Variants in RCAN1 observed in about 807,000 individuals in gnomAD.
RCAN1 encodes regulator of calcineurin 1, also known as calcipressin-1.
A neutral mutation model predicts 22.9 loss-of-function variants in RCAN1; 11 were observed. The observed-to-expected ratio is 0.48, with a 90% CI of 0.30 to 0.79. RCAN1 has a LOEUF of 0.79. RCAN1 is among the 30% of genes least tolerant of loss of function. The probability of loss-of-function intolerance (pLI) is 0.06; values close to 1 mark genes in which losing one functional copy is unlikely to be tolerated. For missense variants in RCAN1, 291 were observed against 337.8 expected (o/e 0.86, Z 1.09); for synonymous variants, 136 against 142.3 (o/e 0.96, Z 0.32).
At chr21:34,562,767 T>C (rs771608219) in intron 1 of RCAN1, among the ~76,000 whole-genome samples, 1 of 152,166 alleles carries the variant, frequency 6.6e-6, no homozygotes, top group Non-Finnish European at 1.5e-5. Flanking sequence ...AATAATAACA[T>C]GGTACCTAGC....
chr21:34,523,892 C>G, intron 1 of RCAN1, 182 bp from the exon 2 acceptor site: 1 of 443,014 alleles, frequency 2.3e-6, no homozygotes, highest in East Asian at 4.6e-5. Flanking sequence ...AAGTGATTCT[C>G]CTGCCTCAGC....
At chr21:34,529,328 C>A (rs539616010) in intron 1 of RCAN1, among the ~76,000 whole-genome samples, 1 of 152,144 alleles carries the variant, frequency 6.6e-6, no homozygotes, top group East Asian at 1.9e-4. Context: ...TTCCAAAGTG[C>A]GTCTTGCTGA....
chr21:34,550,452 A>G (rs1435301573), intron 1 of RCAN1, among the ~76,000 whole-genome samples: 1 of 152,168 alleles, frequency 6.6e-6, no homozygotes, highest in Non-Finnish European at 1.5e-5. Context: ...ATTAAGGAGG[A>G]GCCCAATCCA....
At chr21:34,521,136 C>T in intron 3 of RCAN1, 1 of 1,259,880 alleles carries the variant, frequency 7.9e-7, no homozygotes, top group Middle Eastern at 3.0e-4. Context: ...TCGATTTTCC[C>T]TTTCCAAAGT....
intron 1 of RCAN1, among the ~76,000 whole-genome samples, chr21:34,608,913 C>T (rs779052181): frequency 6.6e-6 from 1 of 152,162 alleles, no homozygotes; most frequent in Non-Finnish European, 1.5e-5. Flanking sequence ...GCTTAAGACC[C>T]ATAGCCTTAA....
chr21:34,607,866 G>A lies in RCAN1; in HGVS notation c.252+6894C>T, dbSNP rs8130114. ...GGCCACACAGCAGGAGGTGAGCAGC[G>A]GGTGAGCCAGCAAAGCTTCATCTGT... is the stretch of plus-strand genomic sequence containing the variant. On this transcript the variant is annotated intron_variant, in intron 1 of 3. Transcript: ENST00000313806. 8.7e-3 allele frequency among the ~76,000 whole-genome samples: 1,326 copies of A among 152,246 alleles called. 21 individuals are homozygous for A. The highest frequency in any genetic ancestry group is 0.029 in the African/African-American group (1,225 of 41,540).
intron 1 of RCAN1, chr21:34,525,469 G>A: frequency 7.9e-7 from 1 of 1,259,538 alleles, no homozygotes; most frequent in Non-Finnish European, 1.1e-6. Context: ...CAAGTTTCTG[G>A]CAAAAGTGTG....
intron 1 of RCAN1, among the ~76,000 whole-genome samples, chr21:34,608,011 T>C (rs758041139): frequency 3.3e-5 from 5 of 152,156 alleles, no homozygotes; most frequent in Non-Finnish European, 5.9e-5. Flanking sequence ...GCCCACTCCT[T>C]ATGAGAATCT....
In RCAN1 at chr21:34,530,616, GTTTTTTTTT is replaced by G. The variant is rs59150851; in HGVS notation, c.253-6915_253-6907del. On this transcript the variant is annotated intron_variant, in intron 1 of 3. Coordinates refer to ENST00000313806, the MANE Select transcript of RCAN1 (RefSeq NM_004414.7). ...TTTTTGCTTCTAAGATAGTGAAATA[GTTTTTTTTT>G]TTTTTTTTTTTTTTTTTTGAGACAG... Among the ~76,000 whole-genome samples the G allele has an allele frequency of 8.8e-3, 581 of 66,218 alleles. 9 individuals are homozygous for G. Among genetic ancestry groups the G allele is most frequent in the African/African-American group, 0.03 (548 of 18,426 alleles). The allele number at this position is 66,218 out of a possible 152,430, so 43.4% of individuals were successfully genotyped here. A position where few individuals can be genotyped will look rare whatever the true frequency, so the allele number is the denominator to read the frequency against.
intron 1 of RCAN1, among the ~76,000 whole-genome samples, chr21:34,564,955 T>G (rs1475863718): frequency 6.6e-6 from 1 of 152,148 alleles, no homozygotes; most frequent in African/African-American, 2.4e-5. Context: ...ATCCCAGTGC[T>G]TCGGGAGGCC....
At chr21:34,571,711 A>G (rs2123683539) in intron 1 of RCAN1, among the ~76,000 whole-genome samples, 1 of 152,150 alleles carries the variant, frequency 6.6e-6, no homozygotes, top group African/African-American at 2.4e-5. Flanking sequence ...GTGTGCCACC[A>G]TGCCTGGCTA....
At chr21:34,525,119 T>C (rs1984936341) in intron 1 of RCAN1, 1 of 1,550,458 alleles carries the variant, frequency 6.4e-7, no homozygotes, top group South Asian at 1.2e-5. Flanking sequence ...GCAGTGTCTC[T>C]GCAGTGGGAG....
At chr21:34,577,663 C>T (rs544204879) in intron 1 of RCAN1, among the ~76,000 whole-genome samples, 5 of 152,114 alleles carry the variant, frequency 3.3e-5, no homozygotes, top group South Asian at 2.1e-4. Flanking sequence ...TGAAGAGTGC[C>T]GGAGAGGAAT....
Position 34,614,934 on chromosome 21 carries a change from G to T in RCAN1, c.78C>A (p.Pro26=). The T allele has an allele frequency of 2.3e-6, 3 of 1,300,692 alleles. No individual in the cohort carries two copies. Among genetic ancestry groups the T allele is most frequent in the Non-Finnish European group, 2.9e-6 (3 of 1,017,770 alleles). 80.6% of individuals were successfully genotyped at this position (1,300,692 alleles called of 1,614,324 possible). ...AAEAAEARAR[P]GVTLRPFAPL... ...GCGCGAAGGGCCGCAGCGTCACCCCGGGCCGCGCTCGCGCCTCGGCCGCCT... is the reference window on the plus strand; with the variant it reads ...GCGCGAAGGGCCGCAGCGTCACCCCTGGCCGCGCTCGCGCCTCGGCCGCCT... The change falls in exon 1 of 4, where the codon CCC becomes CCA. Residue 26 remains proline (P), a synonymous_variant. Transcript: ENST00000313806. The surrounding 1 kb of genome is among the most constrained non-coding windows in gnomAD (Gnocchi z 6.0).
At chr21:34,526,505 C>T (rs1985064769) in intron 1 of RCAN1, among the ~76,000 whole-genome samples, 1 of 152,164 alleles carries the variant, frequency 6.6e-6, no homozygotes, top group Non-Finnish European at 1.5e-5. Flanking sequence ...ATTCCTCAGG[C>T]AACAGCTTTT....
chr21:34,553,160 G>A (rs565074735), intron 1 of RCAN1, among the ~76,000 whole-genome samples: 3 of 152,262 alleles, frequency 2.0e-5, no homozygotes, highest in East Asian at 3.9e-4. Context: ...GCAACTCTGC[G>A]GAAGCCAACT....
At chr21:34,586,183 A>G (rs966963449) in intron 1 of RCAN1, among the ~76,000 whole-genome samples, 1 of 152,184 alleles carries the variant, frequency 6.6e-6, no homozygotes, top group African/African-American at 2.4e-5. Flanking sequence ...CGAATAACAA[A>G]CTTAACCCAA....
intron 1 of RCAN1, among the ~76,000 whole-genome samples, chr21:34,571,900 T>A (rs1401012202): frequency 6.6e-6 from 1 of 152,248 alleles, no homozygotes; most frequent in Non-Finnish European, 1.5e-5. Flanking sequence ...CTTATTGTTG[T>A]AAATTACAAC....
chr21:34,546,161 A>G (rs1275674519), intron 1 of RCAN1, among the ~76,000 whole-genome samples: 2 of 152,236 alleles, frequency 1.3e-5, no homozygotes, highest in African/African-American at 2.4e-5. Flanking sequence ...AAAATAGATA[A>G]CAAACATTTC....
Sources: gnomAD v4.1 joint callset for allele counts (sites outside exome capture counted in the v4.1 genomes callset) on GRCh38, gnomAD v4.1.1 for gene constraint, Gnocchi (gnomAD v3.1) non-coding constraint, MANE v1.5 for transcripts, NCBI Gene and HGNC (gene_info 2026-07-23, HGNC 2026-07-21) for gene names.